Variants in FNDC3A observed in about 807,000 individuals in gnomAD.
The protein encoded by FNDC3A is fibronectin type-III domain-containing protein 3A.
Under a neutral mutation model 148.9 loss-of-function variants are expected in FNDC3A, and 32 were observed. That is an observed-to-expected ratio of 0.21 (90% confidence interval 0.16 to 0.29). The LOEUF is 0.29. FNDC3A is among the 10% of genes least tolerant of loss of function. FNDC3A has a pLI of 1.00. For missense variants in FNDC3A, 1,191 were observed against 1,452.8 expected, an observed-to-expected ratio of 0.82 and a Z score of 2.93; for synonymous variants, 472 against 473.6, an observed-to-expected ratio of 1.00 and a Z score of 0.04.
chr13:49,158,257 A>G (rs936339984), intron 8 of FNDC3A, among the ~76,000 whole-genome samples: 7 of 152,078 alleles, frequency 4.6e-5, no homozygotes, highest in Non-Finnish European at 7.4e-5. Flanking sequence ...GAGAAGCGCA[A>G]TATTCGGGAG....
chr13:49,040,520 G>C (rs1217704368), intron 2 of FNDC3A, among the ~76,000 whole-genome samples: 4 of 152,184 alleles, frequency 2.6e-5, no homozygotes, highest in Non-Finnish European at 5.9e-5. Flanking sequence ...GAGAAACATA[G>C]TGCAGAATTT....
At chr13:49,062,984 T>C (rs1018478363) in intron 2 of FNDC3A, among the ~76,000 whole-genome samples, 1 of 152,186 alleles carries the variant, frequency 6.6e-6, no homozygotes, top group Non-Finnish European at 1.5e-5. Context: ...TTAATATCAG[T>C]TTTATGTGTA....
At chr13:49,151,297 A>G (rs939188964) in intron 8 of FNDC3A, among the ~76,000 whole-genome samples, 5 of 152,092 alleles carry the variant, frequency 3.3e-5, no homozygotes, top group East Asian at 1.9e-4. Context: ...TAGAATTGTT[A>G]TATCCTCTTG....
chr13:49,079,617 G>T (rs534496018), intron 3 of FNDC3A, among the ~76,000 whole-genome samples: 3 of 152,296 alleles, frequency 2.0e-5, no homozygotes, highest in African/African-American at 7.2e-5. Flanking sequence ...CTAAAAAGTT[G>T]TGTAAATATG....
Position 49,158,127 on chromosome 13 carries a change from T to C in FNDC3A, c.978-9117T>C, listed in dbSNP as rs11531305. On this transcript the variant is annotated intron_variant, in intron 8 of 25. Coordinates refer to ENST00000492622, the MANE Select transcript of FNDC3A (RefSeq NM_001079673.2). The stretch of plus-strand genomic sequence containing the variant: ...GGGCGCCCCTCCCCCAGCCTCGCTG[T>C]CGCCTTGCAGTTTGATCTCAGACTG... Among the ~76,000 whole-genome samples the C allele has an allele frequency of 2.2e-3, 335 of 152,262 alleles. 1 individual carries two copies. The highest frequency in any genetic ancestry group is 7.3e-3 in the African/African-American group (302 of 41,542).
intron 2 of FNDC3A, among the ~76,000 whole-genome samples, chr13:49,073,436 G>A (rs3012129): frequency 0.011 from 1,709 of 151,664 alleles, 11 homozygotes; most frequent in Middle Eastern, 0.02. Context: ...CTGACAAACC[G>A]AAATGCTCCA....
In FNDC3A at chr13:49,207,417, C is replaced by T; in HGVS notation, c.*22C>T. 1.4e-6 allele frequency: 2 copies of T among 1,391,342 alleles called. No individual in the cohort carries two copies. Among genetic ancestry groups the T allele is most frequent in the Admixed American group, 2.0e-5 (1 of 49,474 alleles). 86.2% of individuals were successfully genotyped at this position (1,391,342 alleles called of 1,614,324 possible). On this transcript the variant is annotated 3_prime_UTR_variant, in exon 26 of 26. Coordinates refer to ENST00000492622, the MANE Select transcript of FNDC3A (RefSeq NM_001079673.2). ...GTGAAAATATAACTTTATTTTTTAA[C>T]TCTATTACATTTTATTTTGTCATGT...
chr13:49,013,713 C>A (rs947964758), intron 2 of FNDC3A, among the ~76,000 whole-genome samples: 1 of 148,916 alleles, frequency 6.7e-6, no homozygotes, highest in African/African-American at 2.5e-5. Flanking sequence ...CGTCATCTAT[C>A]ATTAGGTATA....
At chr13:49,186,254 G>A (rs1385871833) in intron 15 of FNDC3A, 152 bp downstream of exon 15, 18 of 547,440 alleles carry the variant, frequency 3.3e-5, no homozygotes, top group Non-Finnish European at 5.3e-5. Flanking sequence ...TATGTTTTTT[G>A]TGGAAAACCT....
In FNDC3A at chr13:49,136,336, T is replaced by C; in HGVS notation, c.495T>C (p.Ala165=). 1 of 1,612,464 alleles carries C rather than the reference T, an allele frequency of 6.2e-7. No individual in the cohort carries two copies. The highest frequency in any genetic ancestry group is 8.5e-7 in the Non-Finnish European group (1 of 1,178,882). ...QSSQVYGDVD[A]HSTHGRSNFR... ...TTTGTTTTTATTGCCTCCTAGATGC[T>C]CACTCTACACATGGAAGGTCCAACT... The change falls in exon 6 of 26, where the codon GCT becomes GCC. Residue 165 remains alanine, a synonymous_variant. Coordinates refer to ENST00000492622, the MANE Select transcript of FNDC3A (RefSeq NM_001079673.2).
At chr13:49,040,140 C>G (rs1326021487) in intron 2 of FNDC3A, among the ~76,000 whole-genome samples, 1 of 152,104 alleles carries the variant, frequency 6.6e-6, no homozygotes, top group African/African-American at 2.4e-5. Flanking sequence ...CTTATCTGCC[C>G]TTTGGTAGTA....
intron 2 of FNDC3A, among the ~76,000 whole-genome samples, chr13:49,047,168 A>T (rs1385276552): frequency 6.6e-6 from 1 of 150,876 alleles, no homozygotes; most frequent in African/African-American, 2.4e-5. Context: ...TTAATGCCTG[A>T]GTAGTATTCC....
intron 2 of FNDC3A, among the ~76,000 whole-genome samples, chr13:49,051,234 GT>G (rs1255673448): frequency 6.6e-6 from 1 of 151,876 alleles, no homozygotes; most frequent in South Asian, 2.1e-4. Flanking sequence ...GTTTTGTTTT[GT>G]TTTTTCATTG....
chr13:49,187,135 C>T lies in FNDC3A; in HGVS notation c.1770C>T (p.Asp590=). Residue 590 remains aspartate (D), a synonymous_variant, in exon 16 of 26, where the codon GAC becomes GAT. Coordinates refer to ENST00000492622, the MANE Select transcript of FNDC3A (RefSeq NM_001079673.2). ...TTCTTTGGATAGATCCACCAAAAGA[C>T]AATGGCGGAGCAACCATCAATAAAT... ...SFKITWDPPK[D]NGGATINKYV... The T allele has an allele frequency of 1.2e-6, 2 of 1,612,174 alleles. No homozygotes were observed. The highest frequency in any genetic ancestry group is 1.7e-6 in the Non-Finnish European group (2 of 1,178,738).
intron 2 of FNDC3A, among the ~76,000 whole-genome samples, chr13:49,032,735 CAAAAA>C (rs891858112): frequency 7.7e-6 from 1 of 130,446 alleles, no homozygotes; most frequent in Non-Finnish European, 1.7e-5. Flanking sequence ...GACTCCGTCT[CAAAAA>C]AAAAAAAGTC....
chr13:49,179,146 C>CA (rs1885179978), intron 14 of FNDC3A, among the ~76,000 whole-genome samples: 1 of 152,190 alleles, frequency 6.6e-6, no homozygotes, highest in South Asian at 2.1e-4. Context: ...CGGTGCTTCT[C>CA]AAACTTTATA....
Position 49,207,077 on chromosome 13 carries a change from A to G in FNDC3A, c.3283-4A>G. ...AATTCTTCCTTCTAATATTTTATTAACAGATTTACAAGGGTCCCGACTCTT... is the reference window on the plus strand; with the variant it reads ...AATTCTTCCTTCTAATATTTTATTAGCAGATTTACAAGGGTCCCGACTCTT... On this transcript the variant is annotated splice_polypyrimidine_tract_variant and splice_region_variant and intron_variant, in intron 25 of 25. Transcript: ENST00000492622. The G allele has an allele frequency of 6.2e-7, 1 of 1,600,940 alleles. No homozygotes were observed. Among genetic ancestry groups the G allele is most frequent in the Non-Finnish European group, 8.6e-7 (1 of 1,169,520 alleles).
intron 2 of FNDC3A, among the ~76,000 whole-genome samples, chr13:49,010,581 A>AGCTAT (rs1391755807): frequency 6.6e-6 from 1 of 152,236 alleles, no homozygotes; most frequent in Non-Finnish European, 1.5e-5. Context: ...AGCTTTTTAA[A>AGCTAT]ACCTGTTTTA....
intron 19 of FNDC3A, among the ~76,000 whole-genome samples, chr13:49,194,016 T>C (rs553344292): frequency 3.3e-5 from 5 of 152,276 alleles, no homozygotes; most frequent in South Asian, 2.1e-4. Flanking sequence ...ATCCCAATAC[T>C]TGGGGAGGCC....
Sources: gnomAD v4.1 joint callset for allele counts (sites outside exome capture counted in the v4.1 genomes callset) on GRCh38, gnomAD v4.1.1 for gene constraint, MANE v1.5 for transcripts, NCBI Gene and HGNC (gene_info 2026-07-23, HGNC 2026-07-21) for gene names.